Variants in GBGT1 observed in about 807,000 individuals in gnomAD.
GBGT1 encodes globoside alpha-1,3-N-acetylgalactosaminyltransferase 1 (FORS blood group).
In GBGT1, 18 loss-of-function variants were observed where a neutral mutation model predicts 20.9. The ratio of observed to expected loss-of-function variants is 0.86; its 90% CI spans 0.60 to 1.28. The LOEUF is 1.28. Ranked by LOEUF, GBGT1 falls within the 50% of genes most tolerant of loss-of-function variation. The pLI is 0.00. For missense variants in GBGT1, 432 were observed against 455.7 expected (o/e 0.95, Z 0.47); for synonymous variants, 168 against 180.8 (o/e 0.93, Z 0.57).
At position 133,155,270 on chromosome 9, in the gene GBGT1, G is replaced by A. The variant is rs372183403; in HGVS notation, c.267C>T (p.Ile89=). ...CTGGGTTGAAGGTTCCCTCGGAGAC[G>A]ATGGGCGCCAACCAGGGTGTGAGTG... is the stretch of plus-strand genomic sequence containing the variant. The part of the protein sequence containing the change: ...LLTLTPWLAP[I]VSEGTFNPEL... Residue 89 remains isoleucine, a synonymous_variant, in exon 6 of 7, where the codon ATC becomes ATT. Transcript: ENST00000372040. 9.3e-6 allele frequency: 15 copies of A among 1,613,864 alleles called. No homozygotes were observed. Among genetic ancestry groups the A allele is most frequent in the East Asian group, 2.2e-5 (1 of 44,886 alleles).
chr9:133,153,405 GTGCTACTGTGTGCACAGCCCTC>G lies in GBGT1; in HGVS notation c.*150_*171del. 1 of 464,766 alleles carries G rather than the reference GTGCTACTGTGTGCACAGCCCTC, an allele frequency of 2.2e-6. No individual in the cohort carries two copies. The highest frequency in any genetic ancestry group is 5.1e-5 in the South Asian group (1 of 19,474). 28.8% of individuals were successfully genotyped at this position (464,766 alleles called of 1,614,324 possible). A position where few individuals can be genotyped will look rare whatever the true frequency, so the allele number is the denominator to read the frequency against. On this transcript the variant is annotated 3_prime_UTR_variant, in exon 7 of 7. Coordinates refer to ENST00000372040, the MANE Select transcript of GBGT1 (RefSeq NM_021996.6). ...ATGCCGCGTTACTGTGAGATCCTGT[GTGCTACTGTGTGCACAGCCCTC>G]TGCAGTTCACAGTGGCCTTTCCACG...
intron 3 of GBGT1, among the ~76,000 whole-genome samples, chr9:133,157,547 C>G (rs1033100997): frequency 5.3e-5 from 8 of 152,266 alleles, no homozygotes; most frequent in Admixed American, 5.2e-4. Context: ...GTGAGGGGCT[C>G]TTGACCATGT....
chr9:133,160,815 G>C (rs1368970870), intron 3 of GBGT1, among the ~76,000 whole-genome samples: 2 of 152,170 alleles, frequency 1.3e-5, no homozygotes, highest in East Asian at 3.9e-4. Flanking sequence ...TTTGAGACCA[G>C]CCTGGCCAAC....
At chr9:133,158,951 T>C (rs35495451) in intron 3 of GBGT1, among the ~76,000 whole-genome samples, 293 of 152,230 alleles carry the variant, frequency 1.9e-3, no homozygotes, top group African/African-American at 6.8e-3. Context: ...TTGTGATTAG[T>C]AGCTACTTTT....
intron 3 of GBGT1, chr9:133,160,091 A>T: frequency 2.3e-5 from 6 of 262,268 alleles, no homozygotes; most frequent in South Asian, 1.9e-4. Flanking sequence ...GGGGGCAAAG[A>T]CCAACCTGGC....
chr9:133,155,358 G>C (rs765396761), intron 5 of GBGT1, 46 bp from the exon 6 acceptor site: 1 of 1,609,652 alleles, frequency 6.2e-7, no homozygotes, highest in Non-Finnish European at 8.5e-7. Flanking sequence ...CCCTGTGAAA[G>C]CCTAAGTCTC....
In GBGT1 at chr9:133,154,974, A is replaced by C; in HGVS notation, c.359+204T>G. The C allele has an allele frequency of 1.7e-6, 1 of 573,082 alleles. No homozygotes were observed. 35.5% of individuals were successfully genotyped at this position (573,082 alleles called of 1,614,324 possible). ...CTCACCTGGACTCTGCATCCTGTCT[A>C]TGCTAGAGCCAGATCCCCTACTCCA... On this transcript the variant is annotated intron_variant, in intron 6 of 6. Coordinates refer to ENST00000372040, the MANE Select transcript of GBGT1 (RefSeq NM_021996.6). This position sits in a 1 kb window ranked among gnomAD's most constrained non-coding sequence, Gnocchi z 4.2.
chr9:133,157,961 A>G (rs1334329209), intron 3 of GBGT1, among the ~76,000 whole-genome samples: 2 of 152,196 alleles, frequency 1.3e-5, no homozygotes, highest in Non-Finnish European at 2.9e-5. Flanking sequence ...CCTGGGCAAC[A>G]TGGTGAAACC....
Position 133,154,357 on chromosome 9 carries a change from G to T in GBGT1, c.360-96C>A. 1 of 657,096 alleles carries T rather than the reference G, an allele frequency of 1.5e-6. No homozygotes were observed. Among genetic ancestry groups the T allele is most frequent in the Non-Finnish European group, 2.5e-6 (1 of 396,232 alleles). 40.7% of individuals were successfully genotyped at this position (657,096 alleles called of 1,614,324 possible). ...CAGCCAGGCTGGGGTCCACTTACCA[G>T]CTCCCCATCTCAAGATGTCACTCTG... On this transcript the variant is annotated intron_variant, in intron 6 of 6. Transcript: ENST00000372040. The surrounding 1 kb of genome is among the most constrained non-coding windows in gnomAD (Gnocchi z 4.2).
chr9:133,154,886 G>T lies in GBGT1; in HGVS notation c.359+292C>A, dbSNP rs533034393. 14 of 357,120 alleles carry T rather than the reference G, an allele frequency of 3.9e-5. No homozygotes were observed. Among genetic ancestry groups the T allele is most frequent in the African/African-American group, 1.4e-4 (7 of 48,546 alleles). 22.1% of individuals were successfully genotyped at this position (357,120 alleles called of 1,614,324 possible). On this transcript the variant is annotated intron_variant, in intron 6 of 6. Transcript: ENST00000372040. The surrounding 1 kb of genome is among the most constrained non-coding windows in gnomAD (Gnocchi z 4.2). ...GGGTCATGGGAGAGACAAGGGCAGA[G>T]GAGGGGTCTAGATGAAACAGGGAGG...
chr9:133,159,192 C>G (rs113700225), intron 3 of GBGT1, among the ~76,000 whole-genome samples: 1 of 152,276 alleles, frequency 6.6e-6, no homozygotes, highest in African/African-American at 2.4e-5. Context: ...AACTCCTGAG[C>G]TCAAGTGATC....
In GBGT1 at chr9:133,155,882, G is replaced by C. The variant is rs775652901; in HGVS notation, c.224+19C>G. The C allele has an allele frequency of 6.2e-7, 1 of 1,613,274 alleles. No homozygotes were observed. Among genetic ancestry groups the C allele is most frequent in the Non-Finnish European group, 8.5e-7 (1 of 1,179,376 alleles). On this transcript the variant is annotated intron_variant, in intron 5 of 6. Coordinates refer to ENST00000372040, the MANE Select transcript of GBGT1 (RefSeq NM_021996.6). ...TGTCCTTTTCCCCCGCCCCCATCAG[G>C]CCTCTCCATGACACCTACCTGTGCT... is the stretch of plus-strand genomic sequence containing the variant.
chr9:133,158,334 A>AGTGG (rs1420603675), intron 3 of GBGT1, among the ~76,000 whole-genome samples: 6 of 152,046 alleles, frequency 3.9e-5, no homozygotes, highest in Non-Finnish European at 7.4e-5. Flanking sequence ...GCTGGAGTGC[A>AGTGG]GTGGCACAAT....
chr9:133,162,475 G>A lies in GBGT1; in HGVS notation c.-63C>T. The A allele has an allele frequency of 2.2e-6, 3 of 1,367,818 alleles. No homozygotes were observed. Among genetic ancestry groups the A allele is most frequent in the Non-Finnish European group, 2.1e-6 (2 of 975,334 alleles). The allele number at this position is 1,367,818 out of a possible 1,614,324, so 84.7% of individuals were successfully genotyped here. A position where few individuals can be genotyped will look rare whatever the true frequency, so the allele number is the denominator to read the frequency against. ...ACCCCCACTGGCCTGGGCGGATGAG[G>A]CTGTCCCCTCGCAGGGATGTCAGGC... is the stretch of plus-strand genomic sequence containing the variant. On this transcript the variant is annotated 5_prime_UTR_variant, in exon 2 of 7. Coordinates refer to ENST00000372040, the MANE Select transcript of GBGT1 (RefSeq NM_021996.6).
intron 1 of GBGT1, 195 bp downstream of exon 1, chr9:133,163,559 C>A: frequency 6.5e-6 from 1 of 153,040 alleles, no homozygotes; most frequent in South Asian, 1.9e-4. Context: ...CCTCCAAGCC[C>A]CGTCTCGCCC....
chr9:133,157,175 T>G (rs1004355446), intron 3 of GBGT1, among the ~76,000 whole-genome samples: 1 of 151,890 alleles, frequency 6.6e-6, no homozygotes, highest in Non-Finnish European at 1.5e-5. Flanking sequence ...TCCTGGCTAC[T>G]TGGGAGGCTG....
At position 133,162,323 on chromosome 9, in the gene GBGT1, C is replaced by T. The variant is rs1357190749; in HGVS notation, c.71+19G>A. On this transcript the variant is annotated intron_variant, in intron 2 of 6. Coordinates refer to ENST00000372040, the MANE Select transcript of GBGT1 (RefSeq NM_021996.6). ...TGGGTGGGGATAGAGACAGGGGGAG[C>T]TCCGTGGGGCAGACTCACCACAGGA... 1 of 1,593,790 alleles carries T rather than the reference C, an allele frequency of 6.3e-7. No individual in the cohort carries two copies. The highest frequency in any genetic ancestry group is 8.6e-7 in the Non-Finnish European group (1 of 1,167,772).
At position 133,153,897 on chromosome 9, in the gene GBGT1, C is replaced by T; in HGVS notation, c.724G>A (p.Glu242Lys). Residue 242 changes from glutamate to lysine, a missense_variant, in exon 7 of 7, where the codon GAG becomes AAG. Physicochemically the swap from Glu to Lys is moderately conservative, Grantham distance 56 (BLOSUM62 1). Transcript: ENST00000372040. ...AAGGCAGTGGAAACACGCCTGCGCTCATAGGGGAACTGCTGGCGGGGAACG... is the reference window on the plus strand; with the variant it reads ...AAGGCAGTGGAAACACGCCTGCGCTTATAGGGGAACTGCTGGCGGGGAACG... ...YAVPRQQFPY[E>K]RRRVSTAFVA... The T allele has an allele frequency of 1.9e-6, 3 of 1,604,882 alleles. No individual in the cohort carries two copies. Among genetic ancestry groups the T allele is most frequent in the Non-Finnish European group, 1.7e-6 (2 of 1,172,694 alleles).
At chr9:133,157,362 C>T (rs1157908616) in intron 3 of GBGT1, among the ~76,000 whole-genome samples, 1 of 152,012 alleles carries the variant, frequency 6.6e-6, no homozygotes, top group Non-Finnish European at 1.5e-5. Context: ...AGCTGCTTAG[C>T]CAGCCTCACC....
Sources: gnomAD v4.1 joint callset for allele counts (sites outside exome capture counted in the v4.1 genomes callset) on GRCh38, gnomAD v4.1.1 for gene constraint, Gnocchi (gnomAD v3.1) non-coding constraint, MANE v1.5 for transcripts, NCBI Gene and HGNC (gene_info 2026-07-23, HGNC 2026-07-21) for gene names.